Variants in STAT4 observed in about 807,000 individuals in gnomAD.
The protein encoded by STAT4 is signal transducer and activator of transcription 4.
A neutral mutation model predicts 110.5 loss-of-function variants in STAT4; 42 were observed. The ratio of observed to expected loss-of-function variants is 0.38; its 90% CI spans 0.30 to 0.49. The LOEUF is 0.49. STAT4 is among the 20% of genes least tolerant of loss of function. STAT4 has a pLI of 0.95. For synonymous variants in STAT4, 284 were observed against 302.2 expected (o/e 0.94, Z 0.63); for missense variants, 632 against 887.9 (o/e 0.71, Z 3.66).
At chr2:191,137,431 C>T (rs1010392319) in intron 3 of STAT4, among the ~76,000 whole-genome samples, 4 of 151,968 alleles carry the variant, frequency 2.6e-5, no homozygotes, top group African/African-American at 7.3e-5. Flanking sequence ...ATCATACTGC[C>T]CAAAGCAATC....
At position 191,053,663 on chromosome 2, in the gene STAT4, T is replaced by C. The variant is rs1696594301; in HGVS notation, c.1251+827A>G. ...GGGTTGTTTTTTACCCCACATATCA[T>C]AATTTTTCAGCCTGACTTCATATAT... On this transcript the variant is annotated intron_variant, in intron 14 of 23. Coordinates refer to ENST00000392320, the MANE Select transcript of STAT4 (RefSeq NM_003151.4). The surrounding 1 kb of genome is among the most constrained non-coding windows in gnomAD (Gnocchi z 4.5). Among the ~76,000 whole-genome samples the C allele has an allele frequency of 6.6e-6, 1 of 152,208 alleles. No individual in the cohort carries two copies. The highest frequency in any genetic ancestry group is 1.5e-5 in the Non-Finnish European group (1 of 68,030).
rs1452891180 is a variant in STAT4 at position 191,147,933 on chromosome 2, G to T, written c.128+143C>A. Reference sequence around the variant, plus strand: ...AAGGACAATTATTCCCCTTCTTTGGGAAGGCTTTCAAATCCTTGAGAAAGT... The same window carrying T: ...AAGGACAATTATTCCCCTTCTTTGGTAAGGCTTTCAAATCCTTGAGAAAGT... On this transcript the variant is annotated intron_variant, in intron 2 of 23. Transcript: ENST00000392320. This position sits in a 1 kb window ranked among gnomAD's most constrained non-coding sequence, Gnocchi z 4.1. The T allele has an allele frequency of 1.8e-6, 2 of 1,117,916 alleles. No individual in the cohort carries two copies. Among genetic ancestry groups the T allele is most frequent in the East Asian group, 2.8e-5 (1 of 36,208 alleles). The allele number at this position is 1,117,916 out of a possible 1,614,324, so 69.2% of individuals were successfully genotyped here.
At chr2:191,122,747 G>A (rs1276516372) in intron 3 of STAT4, among the ~76,000 whole-genome samples, 1 of 152,124 alleles carries the variant, frequency 6.6e-6, no homozygotes, top group Non-Finnish European at 1.5e-5. Context: ...AGTGAAAAAA[G>A]TCTAACTCCA....
chr2:191,148,300 G>A, intron 1 of STAT4, 96 bp from the exon 2 acceptor site: 1 of 1,409,220 alleles, frequency 7.1e-7, no homozygotes, highest in South Asian at 1.4e-5. Context: ...TGTTATGACT[G>A]AATTCCAATA....
intron 13 of STAT4, among the ~76,000 whole-genome samples, chr2:191,057,479 T>C (rs1696730365): frequency 6.6e-6 from 1 of 152,240 alleles, no homozygotes; most frequent in African/African-American, 2.4e-5. Context: ...CTTCATTGTT[T>C]AGAACTCAGA....
At position 191,104,648 on chromosome 2, in the gene STAT4, AT is replaced by A. The variant is rs567760078; in HGVS notation, c.274-28324del. Among the ~76,000 whole-genome samples the A allele has an allele frequency of 2.6e-5, 4 of 152,354 alleles. No homozygotes were observed. The South Asian group carries it at 8.3e-4, about 32-fold the overall frequency. Reference sequence around the variant, plus strand: ...CATAACCACCATACACATCATCATCATTTTATAAAACATAAAACACTCCTCC... The same window carrying A: ...CATAACCACCATACACATCATCATCATTTATAAAACATAAAACACTCCTCC... On this transcript the variant is annotated intron_variant, in intron 3 of 23. Transcript: ENST00000392320. This position sits in a 1 kb window ranked among gnomAD's most constrained non-coding sequence, Gnocchi z 4.3.
chr2:191,101,529 T>G (rs1698149139), intron 3 of STAT4, among the ~76,000 whole-genome samples: 2 of 152,188 alleles, frequency 1.3e-5, no homozygotes, highest in Admixed American at 1.3e-4. Flanking sequence ...CCACTGTTGA[T>G]GTTTAGATTA....
At position 191,030,330 on chromosome 2, in the gene STAT4, A is replaced by C. The variant is rs2125132215; in HGVS notation, c.2221-464T>G. Among the ~76,000 whole-genome samples the C allele has an allele frequency of 6.6e-6, 1 of 152,338 alleles. No homozygotes were observed. The highest frequency in any genetic ancestry group is 6.5e-5 in the Admixed American group (1 of 15,300). Reference sequence around the variant, plus strand: ...ATTATTCTGATGTATGTTCACTTTCATGTAAATTGGGGGTTTGAACCCATT... The same window carrying C: ...ATTATTCTGATGTATGTTCACTTTCCTGTAAATTGGGGGTTTGAACCCATT... On this transcript the variant is annotated intron_variant, in intron 23 of 23. Transcript: ENST00000392320. The surrounding 1 kb of genome is among the most constrained non-coding windows in gnomAD (Gnocchi z 4.4).
At chr2:191,119,668 C>T (rs567241205) in intron 3 of STAT4, among the ~76,000 whole-genome samples, 31 of 152,248 alleles carry the variant, frequency 2.0e-4, no homozygotes, top group African/African-American at 7.2e-4. Flanking sequence ...TTGAAATTGT[C>T]AAGCTACTAC....
Position 191,062,176 on chromosome 2 carries a change from T to G in STAT4, c.942-355A>C, listed in dbSNP as rs982468093. 6.6e-6 allele frequency among the ~76,000 whole-genome samples: 1 copy of G among 152,120 alleles called. No homozygotes were observed. Among genetic ancestry groups the G allele is most frequent in the Non-Finnish European group, 1.5e-5 (1 of 68,022 alleles). ...CTCAAGTGATCCTCCTGCCTTGGCC[T>G]CCTGAGTATCTAGGACTATAGGGAT... On this transcript the variant is annotated intron_variant, in intron 9 of 23. Coordinates refer to ENST00000392320, the MANE Select transcript of STAT4 (RefSeq NM_003151.4). This position sits in a 1 kb window ranked among gnomAD's most constrained non-coding sequence, Gnocchi z 4.9.
chr2:191,109,087 A>C (rs182777375), intron 3 of STAT4, among the ~76,000 whole-genome samples: 1 of 152,306 alleles, frequency 6.6e-6, no homozygotes, highest in East Asian at 1.9e-4. Context: ...TCTGCTACTG[A>C]GAAGAGAAGC....
intron 3 of STAT4, among the ~76,000 whole-genome samples, chr2:191,095,245 G>A (rs1275095604): frequency 6.6e-6 from 1 of 152,142 alleles, no homozygotes; most frequent in Non-Finnish European, 1.5e-5. Context: ...ACTGAACTCA[G>A]CTCTGCAACA....
intron 3 of STAT4, among the ~76,000 whole-genome samples, chr2:191,137,159 G>T (rs569877990): frequency 6.6e-6 from 1 of 151,948 alleles, no homozygotes. Context: ...CCTGGCCAAC[G>T]TGGTGAAACC....
rs1318376927 is a variant in STAT4 at position 191,042,564 on chromosome 2, T to C, written c.1252-1416A>G. ...GAAGCATTTTAAAAAAATTATTATTTTGGTTTTTGTGATAAGTGTATTGTG... is the reference window on the plus strand; with the variant it reads ...GAAGCATTTTAAAAAAATTATTATTCTGGTTTTTGTGATAAGTGTATTGTG... On this transcript the variant is annotated intron_variant, in intron 14 of 23. Coordinates refer to ENST00000392320, the MANE Select transcript of STAT4 (RefSeq NM_003151.4). This position sits in a 1 kb window ranked among gnomAD's most constrained non-coding sequence, Gnocchi z 4.2. 2.0e-5 allele frequency among the ~76,000 whole-genome samples: 3 copies of C among 152,146 alleles called. No homozygotes were observed. The highest frequency in any genetic ancestry group is 2.9e-5 in the Non-Finnish European group (2 of 68,020).
chr2:191,109,303 TTTTTG>T (rs1428817586), intron 3 of STAT4, among the ~76,000 whole-genome samples: 1 of 150,500 alleles, frequency 6.6e-6, no homozygotes, highest in Non-Finnish European at 1.5e-5. Context: ...TTTGTTTTGT[TTTTTG>T]TTTTTTTTTT....
rs1698490357 is a variant in STAT4, at chr2:191,113,740, G to A, written c.273+32873C>T. ...AATAGGATAGAGAAAAAATAATTACGGAAACCAGTATAAAGAAAATCTGTG... is the reference window on the plus strand; with the variant it reads ...AATAGGATAGAGAAAAAATAATTACAGAAACCAGTATAAAGAAAATCTGTG... On this transcript the variant is annotated intron_variant, in intron 3 of 23. Transcript: ENST00000392320. The surrounding 1 kb of genome is among the most constrained non-coding windows in gnomAD (Gnocchi z 4.8). Among the ~76,000 whole-genome samples, 1 of 152,092 alleles carries A rather than the reference G, an allele frequency of 6.6e-6. No individual in the cohort carries two copies. The highest frequency in any genetic ancestry group is 2.4e-5 in the African/African-American group (1 of 41,412).
In STAT4 at chr2:191,135,453, T is replaced by TTTGTTG. The variant is rs537263949; in HGVS notation, c.273+11154_273+11159dup. Among the ~76,000 whole-genome samples, 937 of 152,240 alleles carry TTTGTTG rather than the reference T, an allele frequency of 6.2e-3. 8 individuals carry two copies. The highest frequency in any genetic ancestry group is 0.022 in the African/African-American group (895 of 41,508). On this transcript the variant is annotated intron_variant, in intron 3 of 23. Coordinates refer to ENST00000392320, the MANE Select transcript of STAT4 (RefSeq NM_003151.4). This position sits in a 1 kb window ranked among gnomAD's most constrained non-coding sequence, Gnocchi z 4.8. Reference sequence around the variant, plus strand: ...ACTGGATGACTTTACTGTCGAATTCTTTGTTGTTGTTGTTGTTATTGTTTT... The same window carrying TTTGTTG: ...ACTGGATGACTTTACTGTCGAATTCTTTGTTGTTGTTGTTGTTGTTGTTATTGTTTT...
chr2:191,144,546 A>C lies in STAT4; in HGVS notation c.273+2067T>G, dbSNP rs1699411480. ...AAAGAGGAAAGATGCTAGAGGGCCA[A>C]TTAACACATGCAGATGAGTTTGTGC... On this transcript the variant is annotated intron_variant, in intron 3 of 23. Transcript: ENST00000392320. The surrounding 1 kb of genome is among the most constrained non-coding windows in gnomAD (Gnocchi z 4.7). Among the ~76,000 whole-genome samples the C allele has an allele frequency of 6.6e-6, 1 of 152,114 alleles. No homozygotes were observed. The highest frequency in any genetic ancestry group is 6.5e-5 in the Admixed American group (1 of 15,276).
In STAT4 at chr2:191,144,142, G is replaced by A. The variant is rs983105938; in HGVS notation, c.273+2471C>T. On this transcript the variant is annotated intron_variant, in intron 3 of 23. Transcript: ENST00000392320. This position sits in a 1 kb window ranked among gnomAD's most constrained non-coding sequence, Gnocchi z 4.7. ...ATATTGAGTACTGAGGGTGAGGGAGGGGGGTCAGAAAAGGAGATCAGCCTT... is the reference window on the plus strand; with the variant it reads ...ATATTGAGTACTGAGGGTGAGGGAGAGGGGTCAGAAAAGGAGATCAGCCTT... 6.7e-6 allele frequency among the ~76,000 whole-genome samples: 1 copy of A among 148,850 alleles called. No individual in the cohort carries two copies. The highest frequency in any genetic ancestry group is 2.6e-5 in the African/African-American group (1 of 38,430).
Sources: gnomAD v4.1 joint callset for allele counts (sites outside exome capture counted in the v4.1 genomes callset) on GRCh38, gnomAD v4.1.1 for gene constraint, Gnocchi (gnomAD v3.1) non-coding constraint, MANE v1.5 for transcripts, NCBI Gene and HGNC (gene_info 2026-07-23, HGNC 2026-07-21) for gene names.